The following RYR1 variants were observed in gnomAD, a reference collection of about 807,000 sequenced individuals.
RYR1 encodes ryanodine receptor 1.
A neutral mutation model predicts 583.5 loss-of-function variants in RYR1; 342 were observed. The ratio of observed to expected loss-of-function variants is 0.59; its 90% CI spans 0.54 to 0.64. RYR1 has a LOEUF of 0.64. Among genes scored for constraint, RYR1 ranks in the 30% least tolerant of loss-of-function variants. RYR1 has a pLI of 0.00. For synonymous variants in RYR1, 2,791 were observed against 2,822.5 expected, an observed-to-expected ratio of 0.99 and a Z score of 0.35; for missense variants, 6,032 against 6,917.2, an observed-to-expected ratio of 0.87 and a Z score of 4.54.
intron 58 of RYR1, among the ~76,000 whole-genome samples, chr19:38,510,163 A>T (rs756131142): frequency 1.3e-5 from 2 of 152,154 alleles, no homozygotes; most frequent in Non-Finnish European, 2.9e-5. Flanking sequence ...TGTACTAAAA[A>T]TACAAAAATT....
In RYR1 at chr19:38,565,904, C is replaced by T; in HGVS notation, c.13437+133C>T. The T allele has an allele frequency of 2.8e-6, 3 of 1,075,362 alleles. No homozygotes were observed. Among genetic ancestry groups the T allele is most frequent in the Middle Eastern group, 3.3e-4 (1 of 2,996 alleles). The allele number at this position is 1,075,362 out of a possible 1,614,324, so 66.6% of individuals were successfully genotyped here. A position where few individuals can be genotyped will look rare whatever the true frequency, so the allele number is the denominator to read the frequency against. On this transcript the variant is annotated intron_variant, in intron 91 of 105. Coordinates refer to ENST00000359596, the MANE Select transcript of RYR1 (RefSeq NM_000540.3). This position sits in a 1 kb window ranked among gnomAD's most constrained non-coding sequence, Gnocchi z 4.7. The stretch of plus-strand genomic sequence containing the variant: ...GATGGGCACACGCACCCACGGAGGA[C>T]GCACCCATGGAGGACGCACACGGGG...
At chr19:38,582,431 T>C (rs1789298636) in intron 101 of RYR1, among the ~76,000 whole-genome samples, 1 of 149,650 alleles carries the variant, frequency 6.7e-6, no homozygotes, top group Admixed American at 6.7e-5. Flanking sequence ...CTTAGACTAG[T>C]GCCTGGCACA....
chr19:38,443,377 C>T (rs564475167), intron 3 of RYR1, among the ~76,000 whole-genome samples, 181 bp from the exon 4 acceptor site: 35 of 152,248 alleles, frequency 2.3e-4, no homozygotes, highest in East Asian at 1.9e-4. Flanking sequence ...TCCCTGCTTC[C>T]GTGAATGGGG....
rs192765916 is a variant in RYR1 at position 38,587,162 on chromosome 19, A to C, written c.15022-163A>C. Among the ~76,000 whole-genome samples, 279 of 152,082 alleles carry C rather than the reference A, an allele frequency of 1.8e-3. 1 individual carries two copies. Among genetic ancestry groups the C allele is most frequent in the Middle Eastern group, 0.017 (5 of 294 alleles). On this transcript the variant is annotated intron_variant, in intron 105 of 105. Transcript: ENST00000359596. ...GTAGTCCCAGCTACTCTGGAGACTGAGGTGGAGAATCGCTTGAGCCAGGAG... is the reference window on the plus strand; with the variant it reads ...GTAGTCCCAGCTACTCTGGAGACTGCGGTGGAGAATCGCTTGAGCCAGGAG...
At chr19:38,552,735 C>T (rs1382812514) in intron 89 of RYR1, among the ~76,000 whole-genome samples, 1 of 152,180 alleles carries the variant, frequency 6.6e-6, no homozygotes, top group Non-Finnish European at 1.5e-5. Context: ...AGTCAGTGAG[C>T]ACTTCCTGGG....
chr19:38,583,136 A>C (rs1974289420), intron 101 of RYR1, among the ~76,000 whole-genome samples: 2 of 151,972 alleles, frequency 1.3e-5, no homozygotes, highest in Non-Finnish European at 2.9e-5. Flanking sequence ...GTCTCCACTA[A>C]AAATACAAAA....
intron 1 of RYR1, among the ~76,000 whole-genome samples, chr19:38,434,496 T>A (rs1025108282): frequency 6.6e-6 from 1 of 152,162 alleles, no homozygotes; most frequent in Non-Finnish European, 1.5e-5. Context: ...GGTGTCTCCA[T>A]GTCTCTGTCT....
chr19:38,580,634 A>G, intron 101 of RYR1, 130 bp downstream of exon 101: 4 of 1,160,016 alleles, frequency 3.4e-6, no homozygotes, highest in Non-Finnish European at 5.0e-6. Context: ...CCGAGGCGGG[A>G]CGATTACTTG....
intron 84 of RYR1, among the ~76,000 whole-genome samples, chr19:38,542,673 CA>C (rs1406385605): frequency 6.6e-6 from 1 of 151,798 alleles, no homozygotes; most frequent in African/African-American, 2.4e-5. Flanking sequence ...CACATGCCAC[CA>C]CACCTGGCTA....
intron 18 of RYR1, 116 bp downstream of exon 18, chr19:38,458,408 T>C: frequency 9.1e-7 from 1 of 1,095,836 alleles, no homozygotes; most frequent in Non-Finnish European, 1.4e-6. Flanking sequence ...AGGTCAACTT[T>C]TGACCTTTTA....
chr19:38,499,509 TG>T lies in RYR1; in HGVS notation c.7028-124del. 1 of 1,150,934 alleles carries T rather than the reference TG, an allele frequency of 8.7e-7. No homozygotes were observed. The highest frequency in any genetic ancestry group is 1.2e-6 in the Non-Finnish European group (1 of 801,870). 71.3% of individuals were successfully genotyped at this position (1,150,934 alleles called of 1,614,324 possible). A position where few individuals can be genotyped will look rare whatever the true frequency, so the allele number is the denominator to read the frequency against. On this transcript the variant is annotated intron_variant, in intron 43 of 105. Coordinates refer to ENST00000359596, the MANE Select transcript of RYR1 (RefSeq NM_000540.3). This position sits in a 1 kb window ranked among gnomAD's most constrained non-coding sequence, Gnocchi z 7.3. ...GCTGGCAGGGGCCTGGTGTTACCTC[TG>T]GAGGTGTTGGGTCCTGGAGCTGGAT... is the stretch of plus-strand genomic sequence containing the variant.
rs765283194 is a variant in RYR1 at position 38,483,260 on chromosome 19, C to CT, written c.4708-28dup. The CT allele has an allele frequency of 1.3e-6, 2 of 1,566,582 alleles. No homozygotes were observed. Among genetic ancestry groups the CT allele is most frequent in the South Asian group, 2.3e-5 (2 of 86,272 alleles). Reference sequence around the variant, plus strand: ...TGGTGGGACAGAGGGGGCTGGCCATCTTGACCCATGTGTGTCTCTCTGCCC... The same window carrying CT: ...TGGTGGGACAGAGGGGGCTGGCCATCTTTGACCCATGTGTGTCTCTCTGCCC... On this transcript the variant is annotated intron_variant, in intron 32 of 105. Coordinates refer to ENST00000359596, the MANE Select transcript of RYR1 (RefSeq NM_000540.3). This position sits in a 1 kb window ranked among gnomAD's most constrained non-coding sequence, Gnocchi z 6.3.
intron 64 of RYR1, among the ~76,000 whole-genome samples, chr19:38,515,462 C>T (rs372859589): frequency 2.6e-5 from 4 of 152,278 alleles, no homozygotes; most frequent in African/African-American, 4.8e-5. Flanking sequence ...ACAGCAAGAG[C>T]GAGGCTGCGG....
rs752293374 is a variant in RYR1, at chr19:38,490,279, C to G, written c.6015+3C>G. ...TCCGCTCCCCACCCCAGGAACAGGT[C>G]ATCTGACCCCTGACGCTGGCCACTT... is the stretch of plus-strand genomic sequence containing the variant. On this transcript the variant is annotated splice_donor_region_variant and intron_variant, in intron 36 of 105. Coordinates refer to ENST00000359596, the MANE Select transcript of RYR1 (RefSeq NM_000540.3). 6.2e-6 allele frequency: 10 copies of G among 1,613,204 alleles called. No individual in the cohort carries two copies. The highest frequency in any genetic ancestry group is 7.6e-6 in the Non-Finnish European group (9 of 1,179,616).
intron 1 of RYR1, among the ~76,000 whole-genome samples, chr19:38,437,807 C>A (rs1034832037): frequency 9.9e-5 from 15 of 151,746 alleles, no homozygotes; most frequent in Non-Finnish European, 1.6e-4. Context: ...CAGAGCAAGA[C>A]CCTGTGTCTA....
Position 38,587,424 on chromosome 19 carries a change from A to AC in RYR1, c.*9dup. 6.2e-7 allele frequency: 1 copy of AC among 1,611,374 alleles called. No homozygotes were observed. ...GTATGAGGACCAGCTTAGCTGACAC[A>AC]CCCCCAGCTGGCCCTCCACCCCCAC... On this transcript the variant is annotated 3_prime_UTR_variant, in exon 106 of 106. Coordinates refer to ENST00000359596, the MANE Select transcript of RYR1 (RefSeq NM_000540.3).
chr19:38,465,252 C>T (rs1451897521), intron 23 of RYR1, among the ~76,000 whole-genome samples: 1 of 152,014 alleles, frequency 6.6e-6, no homozygotes, highest in African/African-American at 2.4e-5. Context: ...AGGAAGATCA[C>T]TTGAGCCCAG....
chr19:38,451,614 G>A (rs1600664314), intron 11 of RYR1, 150 bp from the exon 12 acceptor site: 27 of 884,306 alleles, frequency 3.1e-5, no homozygotes, highest in East Asian at 2.9e-4. Flanking sequence ...GACAGATGAC[G>A]GGGGACAGAA....
intron 89 of RYR1, among the ~76,000 whole-genome samples, chr19:38,560,374 A>C (rs1973071991): frequency 6.6e-6 from 1 of 150,946 alleles, no homozygotes. Context: ...TCAGAAAAAA[A>C]AAACAAAAAC....
Sources: gnomAD v4.1 joint callset for allele counts (sites outside exome capture counted in the v4.1 genomes callset) on GRCh38, gnomAD v4.1.1 for gene constraint, Gnocchi (gnomAD v3.1) non-coding constraint, MANE v1.5 for transcripts, NCBI Gene and HGNC (gene_info 2026-07-23, HGNC 2026-07-21) for gene names.